Variants in PLEKHM3 observed in about 807,000 individuals in gnomAD.
PLEKHM3 encodes the protein pleckstrin homology domain-containing family M member 3.
A neutral mutation model predicts 81.8 loss-of-function variants in PLEKHM3; 45 were observed. The ratio of observed to expected loss-of-function variants is 0.55; its 90% CI spans 0.43 to 0.71. The LOEUF is 0.71. Ranked by LOEUF, PLEKHM3 falls within the 30% of genes least tolerant of loss-of-function variation. The pLI is 0.00. For synonymous variants in PLEKHM3, 352 were observed against 356.4 expected (o/e 0.99, Z 0.14); for missense variants, 788 against 924.3 (o/e 0.85, Z 1.91).
chr2:207,977,079 A>T lies in PLEKHM3; in HGVS notation c.1118T>A (p.Val373Asp). Reference sequence around the variant, plus strand: ...TGTAAATGCCTTCCAGTTGTTTTGGACAGTCAGCCTGTAGAGAGTCCCTGA... The same window carrying T: ...TGTAAATGCCTTCCAGTTGTTTTGGTCAGTCAGCCTGTAGAGAGTCCCTGA... ...LKSGTLYRLT[V>D]QNNWKAFTFV... The change falls in exon 3 of 8, where the codon GTC (valine) becomes GAC (aspartate). Residue 373 changes from valine to aspartate, a missense_variant. Transcript: ENST00000427836. 1 of 1,614,184 alleles carries T rather than the reference A, an allele frequency of 6.2e-7. No individual in the cohort carries two copies. Among genetic ancestry groups the T allele is most frequent in the Non-Finnish European group, 8.5e-7 (1 of 1,180,024 alleles).
chr2:207,945,311 T>C (rs1310050721), intron 4 of PLEKHM3, among the ~76,000 whole-genome samples: 1 of 152,228 alleles, frequency 6.6e-6, no homozygotes, highest in Non-Finnish European at 1.5e-5. Context: ...TTTTCTCCTC[T>C]ATTGACCTGC....
chr2:207,898,507 A>G (rs1357110110), intron 6 of PLEKHM3, among the ~76,000 whole-genome samples: 1 of 152,188 alleles, frequency 6.6e-6, no homozygotes, highest in Admixed American at 6.5e-5. Flanking sequence ...TAATCCCAGC[A>G]CTTTGGAAGG....
At chr2:207,955,803 G>C (rs1230270200) in intron 3 of PLEKHM3, among the ~76,000 whole-genome samples, 4 of 152,184 alleles carry the variant, frequency 2.6e-5, no homozygotes, top group Non-Finnish European at 5.9e-5. Context: ...TTACATAAAA[G>C]AACATAATTT....
intron 3 of PLEKHM3, among the ~76,000 whole-genome samples, chr2:207,947,251 T>C (rs1231059660): frequency 6.6e-6 from 1 of 152,186 alleles, no homozygotes; most frequent in Non-Finnish European, 1.5e-5. Flanking sequence ...TATATTCACA[T>C]GTATTACCTC....
rs553635493 is a variant in PLEKHM3, at chr2:207,944,984, A to G, written c.1692+1383T>C. Among the ~76,000 whole-genome samples the G allele has an allele frequency of 5.3e-5, 8 of 152,308 alleles. No individual in the cohort carries two copies. The East Asian group carries it at 9.6e-4, about 18-fold the overall frequency. ...GCAAAACTTCTCAAAAGAGTTGTCT[A>G]TTCTTGTTTCTTGTTTCTCTCTCTC... On this transcript the variant is annotated intron_variant, in intron 4 of 7. Transcript: ENST00000427836.
At chr2:207,903,473 T>G (rs1574389815) in intron 6 of PLEKHM3, among the ~76,000 whole-genome samples, 1 of 152,284 alleles carries the variant, frequency 6.6e-6, no homozygotes, top group South Asian at 2.1e-4. Flanking sequence ...ATGCTTAACT[T>G]ACATATGCCC....
Position 207,825,538 on chromosome 2 carries a change from T to C in PLEKHM3, c.*2781A>G, listed in dbSNP as rs796211414. The C allele has an allele frequency of 4.6e-5, 7 of 152,328 alleles. No homozygotes were observed. Among genetic ancestry groups the C allele is most frequent in the African/African-American group, 1.7e-4 (7 of 41,580 alleles). 9.4% of individuals were successfully genotyped at this position (152,328 alleles called of 1,614,324 possible). A position where few individuals can be genotyped will look rare whatever the true frequency, so the allele number is the denominator to read the frequency against. ...AAGCAGTGGAACAATTACCTAACAG[T>C]GCACCAAGTAATTTGTTAAAGTTGA... On this transcript the variant is annotated 3_prime_UTR_variant, in exon 8 of 8. Transcript: ENST00000427836.
At chr2:207,930,658 T>C (rs1245077638) in intron 5 of PLEKHM3, among the ~76,000 whole-genome samples, 1 of 152,184 alleles carries the variant, frequency 6.6e-6, no homozygotes, top group Non-Finnish European at 1.5e-5. Flanking sequence ...AGAGAAGCCT[T>C]CACCGTCCTG....
chr2:207,981,370 G>GTC (rs1691517656), intron 2 of PLEKHM3, among the ~76,000 whole-genome samples: 2 of 152,182 alleles, frequency 1.3e-5, no homozygotes, highest in Non-Finnish European at 2.9e-5. Context: ...TTGAGACAGG[G>GTC]TCTTGCACTG....
At chr2:207,960,760 A>AT (rs1478610329) in intron 3 of PLEKHM3, among the ~76,000 whole-genome samples, 1 of 152,204 alleles carries the variant, frequency 6.6e-6, no homozygotes, top group African/African-American at 2.4e-5. Context: ...AACCTTTAGC[A>AT]TTATCAGGAA....
intron 3 of PLEKHM3, among the ~76,000 whole-genome samples, chr2:207,948,920 G>A (rs946674822): frequency 2.0e-5 from 3 of 151,988 alleles, no homozygotes; most frequent in Admixed American, 2.0e-4. Context: ...CTCGTGATCC[G>A]CCTGCCTTGG....
chr2:207,901,487 C>T (rs547191004), intron 6 of PLEKHM3, among the ~76,000 whole-genome samples: 8 of 152,338 alleles, frequency 5.3e-5, no homozygotes, highest in African/African-American at 1.9e-4. Flanking sequence ...GACCCAGCTC[C>T]AGTCCTGGCA....
intron 3 of PLEKHM3, among the ~76,000 whole-genome samples, chr2:207,963,951 C>G (rs899927337): frequency 7.2e-5 from 11 of 152,344 alleles, no homozygotes; most frequent in Admixed American, 7.2e-4. Flanking sequence ...GTGGCTCACG[C>G]CTATAATCCC....
chr2:207,985,970 A>G lies in PLEKHM3; in HGVS notation c.611-8384T>C, dbSNP rs576781465. Among the ~76,000 whole-genome samples the G allele has an allele frequency of 3.4e-5, 5 of 146,526 alleles. No homozygotes were observed. The South Asian group carries it at 1.1e-3, about 32-fold the overall frequency. On this transcript the variant is annotated intron_variant, in intron 2 of 7. Coordinates refer to ENST00000427836, the MANE Select transcript of PLEKHM3 (RefSeq NM_001080475.3). ...GCCACTGCACTCCAGCCTGGGCAAC[A>G]GAGCGAGACTCCGTCTCAAAAAAAA...
chr2:207,963,028 T>A (rs1445175338), intron 3 of PLEKHM3, among the ~76,000 whole-genome samples: 1 of 151,938 alleles, frequency 6.6e-6, no homozygotes, highest in East Asian at 1.9e-4. Context: ...CAACCTTGGA[T>A]TCCTAGAAAA....
Position 207,987,686 on chromosome 2 carries a change from T to C in PLEKHM3, c.611-10100A>G, listed in dbSNP as rs553991331. Among the ~76,000 whole-genome samples the C allele has an allele frequency of 1.5e-4, 23 of 152,318 alleles. No homozygotes were observed. The South Asian group carries it at 4.8e-3, about 32-fold the overall frequency. On this transcript the variant is annotated intron_variant, in intron 2 of 7. Transcript: ENST00000427836. ...TCTGTCTTCCACAACAGTAATATCC[T>C]AGACCTTTTAGAACTCTCCATAATA...
At chr2:207,911,823 G>GAGAA (rs1304189287) in intron 5 of PLEKHM3, among the ~76,000 whole-genome samples, 3 of 152,164 alleles carry the variant, frequency 2.0e-5, no homozygotes, top group African/African-American at 7.2e-5. Context: ...AGGTCAGCTG[G>GAGAA]AGAAAGAGTT....
At chr2:207,922,684 C>T (rs1268709532) in intron 5 of PLEKHM3, among the ~76,000 whole-genome samples, 2 of 152,128 alleles carry the variant, frequency 1.3e-5, no homozygotes, top group South Asian at 2.1e-4. Flanking sequence ...TGGTGGCGGG[C>T]GCCTGTAGTC....
intron 7 of PLEKHM3, 129 bp downstream of exon 7, chr2:207,860,976 A>G (rs2092464190): frequency 9.0e-7 from 1 of 1,105,614 alleles, no homozygotes; most frequent in Non-Finnish European, 1.3e-6. Flanking sequence ...GTTCTCCAAG[A>G]ACAAGGAAAA....
Sources: allele counts gnomAD v4.1 joint callset (sites outside exome capture counted in the v4.1 genomes callset), GRCh38; gene constraint gnomAD v4.1.1; transcripts MANE v1.5; gene names NCBI Gene and HGNC (gene_info 2026-07-23, HGNC 2026-07-21).